CBFB: variants seen among roughly 807,000 people sequenced by gnomAD.
CBFB encodes the protein core-binding factor subunit beta.
In CBFB, 9 loss-of-function variants were observed where a neutral mutation model predicts 30.4. That is an observed-to-expected ratio of 0.30 (90% confidence interval 0.18 to 0.52). The LOEUF (loss-of-function observed/expected upper bound fraction) is 0.52. CBFB is among the 20% of genes least tolerant of loss of function. The probability of loss-of-function intolerance (pLI) is 0.97; values close to 1 mark genes in which losing one functional copy is unlikely to be tolerated. For synonymous variants in CBFB, 94 were observed against 84.0 expected (o/e 1.12, Z -0.65); for missense variants, 170 against 244.0 (o/e 0.70, Z 2.02).
intron 5 of CBFB, among the ~76,000 whole-genome samples, chr16:67,090,483 C>A (rs917218590): frequency 5.9e-5 from 9 of 152,208 alleles, no homozygotes; most frequent in Admixed American, 2.0e-4. Context: ...ATTCAAATGT[C>A]TTTTGTGAAG....
intron 3 of CBFB, among the ~76,000 whole-genome samples, chr16:67,038,416 G>C (rs932937481): frequency 6.6e-6 from 1 of 151,312 alleles, no homozygotes; most frequent in African/African-American, 2.4e-5. Context: ...TGAATTTTTT[G>C]TTTTCTCCAA....
rs60388813 is a variant in CBFB, at chr16:67,078,729, A to G, written c.400-3484A>G. On this transcript the variant is annotated intron_variant, in intron 4 of 5. Transcript: ENST00000412916. ...AATGGTGTGATCTTGGCTCACCGCA[A>G]CCTCTGCCTTCAGGGGTTCAAGTGA... 9.9e-5 allele frequency among the ~76,000 whole-genome samples: 15 copies of G among 152,056 alleles called. 1 individual carries two copies. The highest frequency in any genetic ancestry group is 1.8e-4 in the Non-Finnish European group (12 of 68,014).
At chr16:67,060,473 C>T (rs1271025872) in intron 3 of CBFB, among the ~76,000 whole-genome samples, 1 of 152,188 alleles carries the variant, frequency 6.6e-6, no homozygotes, top group Non-Finnish European at 1.5e-5. Context: ...CCCTGTGCCC[C>T]TGGCAACTAC....
At chr16:67,098,683 C>T (rs1263005853) in intron 5 of CBFB, 27 bp from the exon 6 acceptor site, 12 of 1,445,172 alleles carry the variant, frequency 8.3e-6, no homozygotes, top group Non-Finnish European at 1.2e-5. Context: ...CACTTTTTGA[C>T]CCCAAATTAT....
chr16:67,029,572 G>T (rs1449211670), intron 1 of CBFB, 87 bp downstream of exon 1: 2 of 1,410,696 alleles, frequency 1.4e-6, no homozygotes, highest in Non-Finnish European at 1.9e-6. Flanking sequence ...ACGGTCCCCG[G>T]GAGTCCCGGT....
At chr16:67,029,668 C>A in intron 1 of CBFB, 59 bp from the exon 2 acceptor site, 1 of 1,443,550 alleles carries the variant, frequency 6.9e-7, no homozygotes, top group Non-Finnish European at 9.5e-7. Context: ...GCTGGGAGGG[C>A]GGGCGCGCGG....
At chr16:67,087,010 G>A (rs1961750629) in intron 5 of CBFB, among the ~76,000 whole-genome samples, 1 of 152,090 alleles carries the variant, frequency 6.6e-6, no homozygotes, top group Non-Finnish European at 1.5e-5. Flanking sequence ...AAGCATTCTG[G>A]GCAGGACAAA....
chr16:67,087,664 T>C (rs1174468719), intron 5 of CBFB, among the ~76,000 whole-genome samples: 1 of 152,246 alleles, frequency 6.6e-6, no homozygotes, highest in Non-Finnish European at 1.5e-5. Context: ...AACAGAAATA[T>C]AGTCTGTTGA....
At chr16:67,029,603 A>G in intron 1 of CBFB, 118 bp downstream of exon 1, 3 of 1,313,338 alleles carry the variant, frequency 2.3e-6, no homozygotes, top group Non-Finnish European at 3.1e-6. Context: ...GCGGAGGGGC[A>G]ATCTCGCCGG....
chr16:67,034,653 G>T (rs1343641758), intron 2 of CBFB, among the ~76,000 whole-genome samples: 1 of 152,178 alleles, frequency 6.6e-6, no homozygotes, highest in Middle Eastern at 3.2e-3. Context: ...ATCAAGACAG[G>T]AGATGAGGTA....
At chr16:67,081,111 A>G (rs1168101047) in intron 4 of CBFB, among the ~76,000 whole-genome samples, 3 of 145,022 alleles carry the variant, frequency 2.1e-5, no homozygotes, top group African/African-American at 5.1e-5. Context: ...ATATCTCCCA[A>G]TGCTATCCCT....
intron 5 of CBFB, among the ~76,000 whole-genome samples, chr16:67,098,486 T>A (rs1310295059): frequency 6.6e-6 from 1 of 152,222 alleles, no homozygotes; most frequent in Non-Finnish European, 1.5e-5. Flanking sequence ...GTGATTTTCT[T>A]TTGAATAAAA....
intron 3 of CBFB, among the ~76,000 whole-genome samples, chr16:67,060,038 G>A (rs1212579798): frequency 3.3e-5 from 5 of 150,908 alleles, no homozygotes; most frequent in African/African-American, 1.2e-4. Flanking sequence ...GCAGTGGCAC[G>A]ATCATGGCTC....
chr16:67,051,295 T>C lies in CBFB; in HGVS notation c.282+14540T>C, dbSNP rs145759708. On this transcript the variant is annotated intron_variant, in intron 3 of 5. Transcript: ENST00000412916. Reference sequence around the variant, plus strand: ...TCCACATGTGGCTGTTGAACACTTATAATGTCGCTAGTGTGAATTCACATG... The same window carrying C: ...TCCACATGTGGCTGTTGAACACTTACAATGTCGCTAGTGTGAATTCACATG... 3.8e-3 allele frequency among the ~76,000 whole-genome samples: 579 copies of C among 152,256 alleles called. 1 individual carries two copies. The highest frequency in any genetic ancestry group is 4.7e-3 in the Non-Finnish European group (319 of 68,018).
At chr16:67,098,411 A>C (rs568204354) in intron 5 of CBFB, among the ~76,000 whole-genome samples, 39 of 152,206 alleles carry the variant, frequency 2.6e-4, no homozygotes, top group Non-Finnish European at 4.6e-4. Flanking sequence ...TTCTGGGATT[A>C]CAGGCATGAG....
chr16:67,066,738 G>C lies in CBFB; in HGVS notation c.339G>C (p.Trp113Cys), dbSNP rs767709685. ...LNGVCVIWKG[W>C]IDLQRLDGMG... is the part of the protein sequence containing the mutation. ...GAGTCTGTGTTATCTGGAAAGGCTG[G>C]ATTGATCTCCAAAGACTGGATGGTA... The change falls in exon 4 of 6, where the codon TGG becomes TGC. Residue 113 changes from tryptophan (W) to cysteine (C), a missense_variant. Coordinates refer to ENST00000412916, the MANE Select transcript of CBFB (RefSeq NM_022845.3). The C allele has an allele frequency of 3.1e-6, 5 of 1,610,932 alleles. No individual in the cohort carries two copies. The highest frequency in any genetic ancestry group is 4.2e-6 in the Non-Finnish European group (5 of 1,179,102).
chr16:67,088,826 A>G (rs762377442), intron 5 of CBFB, among the ~76,000 whole-genome samples: 1 of 152,204 alleles, frequency 6.6e-6, no homozygotes, highest in South Asian at 2.1e-4. Flanking sequence ...CAGCCCTGCC[A>G]TGCTAAACTT....
At chr16:67,035,923 T>C (rs1031577128) in intron 2 of CBFB, among the ~76,000 whole-genome samples, 11 of 152,198 alleles carry the variant, frequency 7.2e-5, no homozygotes, top group Non-Finnish European at 1.0e-4. Flanking sequence ...AATGACACTT[T>C]ATTGAAGTGG....
chr16:67,038,225 T>C (rs1467002661), intron 3 of CBFB, among the ~76,000 whole-genome samples: 2 of 151,982 alleles, frequency 1.3e-5, no homozygotes, highest in Non-Finnish European at 2.9e-5. Context: ...GCCACATTTA[T>C]GTAAAATGTG....
Sources: allele counts gnomAD v4.1 joint callset (sites outside exome capture counted in the v4.1 genomes callset), GRCh38; gene constraint gnomAD v4.1.1; transcripts MANE v1.5; gene names NCBI Gene and HGNC (gene_info 2026-07-23, HGNC 2026-07-21).